The following COL12A1 variants were observed in gnomAD, a reference collection of about 807,000 sequenced individuals.
COL12A1 encodes the protein collagen type XII alpha 1 chain.
A neutral mutation model predicts 349.7 loss-of-function variants in COL12A1; 114 were observed. The observed-to-expected ratio is 0.33, with a 90% confidence interval of 0.28 to 0.38. The LOEUF (loss-of-function observed/expected upper bound fraction) is 0.38. COL12A1 is among the 10% of genes least tolerant of loss of function. The pLI is 1.00. For synonymous variants in COL12A1, 1,369 were observed against 1,329.0 expected (o/e 1.03, Z -0.66); for missense variants, 3,284 against 3,756.9 (o/e 0.87, Z 3.29).
At chr6:75,180,888 T>C in intron 11 of COL12A1, 51 bp downstream of exon 11, 1 of 1,570,344 alleles carries the variant, frequency 6.4e-7, no homozygotes. Context: ...AACTTTGTAG[T>C]GCAATAAATT....
Position 75,133,416 on chromosome 6 carries a change from T to C in COL12A1, c.5671A>G (p.Ile1891Val). 6.2e-7 allele frequency: 1 copy of C among 1,605,166 alleles called. No individual in the cohort carries two copies. Among genetic ancestry groups the C allele is most frequent in the South Asian group, 1.1e-5 (1 of 88,436 alleles). The change falls in exon 34 of 66, where the codon ATC becomes GTC. Residue 1891 changes from isoleucine to valine, a missense_variant. This residue lies in a region of COL12A1 where 2,601 missense variants were observed against 2,824.8 expected (regional missense o/e 0.92). Coordinates refer to ENST00000322507, the MANE Select transcript of COL12A1 (RefSeq NM_004370.6). The part of the protein sequence containing the change: ...AAGGPEELVP[I>V]PGNTNYAILR... The stretch of plus-strand genomic sequence containing the variant: ...ATGGCATAATTGGTATTCCCGGGGA[T>C]TGGTACCTAAAGATTTTAATAAAAC...
At chr6:75,175,424 A>G in intron 12 of COL12A1, 114 bp from the exon 13 acceptor site, 1 of 1,229,150 alleles carries the variant, frequency 8.1e-7, no homozygotes, top group African/African-American at 1.5e-5. Flanking sequence ...ATCCTGGGTG[A>G]GACTATGACA....
At chr6:75,113,067 C>G in intron 51 of COL12A1, 137 bp downstream of exon 51, 1 of 461,922 alleles carries the variant, frequency 2.2e-6, no homozygotes, top group East Asian at 3.7e-5. Context: ...TTGAATTAAC[C>G]AAATTCTCTA....
chr6:75,134,496 G>A (rs749443582), intron 32 of COL12A1, among the ~76,000 whole-genome samples: 17 of 151,984 alleles, frequency 1.1e-4, no homozygotes, highest in East Asian at 3.9e-4. Context: ...GCTTGAACCC[G>A]GGAGGCAGAG....
At position 75,130,238 on chromosome 6, in the gene COL12A1, A is replaced by C; in HGVS notation, c.6068-5T>G. 1 of 1,612,284 alleles carries C rather than the reference A, an allele frequency of 6.2e-7. No homozygotes were observed. Among genetic ancestry groups the C allele is most frequent in the Non-Finnish European group, 8.5e-7 (1 of 1,179,410 alleles). ...TCCTTGGTCCACTGCGTGGTACTAA[A>C]TAAATAAAATACAATAGAGTTTGTT... On this transcript the variant is annotated splice_region_variant and splice_polypyrimidine_tract_variant and intron_variant, in intron 36 of 65. Transcript: ENST00000322507.
intron 20 of COL12A1, 30 bp downstream of exon 20, chr6:75,151,837 A>AG (rs1009872241): frequency 2.5e-6 from 4 of 1,604,266 alleles, no homozygotes; most frequent in Non-Finnish European, 3.4e-6. Context: ...TTGTAACCCC[A>AG]GGGGCATCAC....
chr6:75,201,099 T>C (rs1770504111), intron 2 of COL12A1, among the ~76,000 whole-genome samples: 2 of 152,226 alleles, frequency 1.3e-5, no homozygotes. Flanking sequence ...TTTTTTCCAC[T>C]TACATCATTT....
At chr6:75,173,383 T>TA (rs1768742978) in intron 13 of COL12A1, among the ~76,000 whole-genome samples, 1 of 149,188 alleles carries the variant, frequency 6.7e-6, no homozygotes, top group African/African-American at 2.4e-5. Context: ...TTATTATTAT[T>TA]TTTTTTTTTT....
intron 13 of COL12A1, among the ~76,000 whole-genome samples, chr6:75,171,599 A>G (rs1208339680): frequency 6.6e-6 from 1 of 152,228 alleles, no homozygotes; most frequent in Non-Finnish European, 1.5e-5. Flanking sequence ...CTCTGGATAA[A>G]GGAAACATTC....
chr6:75,128,415 G>C lies in COL12A1; in HGVS notation c.6221C>G (p.Pro2074Arg), dbSNP rs1441316775. 1.9e-6 allele frequency: 3 copies of C among 1,596,512 alleles called. No homozygotes were observed. The highest frequency in any genetic ancestry group is 2.6e-6 in the Non-Finnish European group (3 of 1,172,648). Residue 2074 changes from proline to arginine, a missense_variant, in exon 38 of 66, where the codon CCA (proline) becomes CGA (arginine). Transcript: ENST00000322507. ...GDPIDEYTTV[P>R]GRRNNVILQP... is the part of the protein sequence containing the mutation. The stretch of plus-strand genomic sequence containing the variant: ...CAGTATTACATTGTTTCTTCTGCCT[G>C]GGACTGTGGTCTATAGAGGAAGTTA...
At chr6:75,141,762 A>C (rs994280688) in intron 27 of COL12A1, among the ~76,000 whole-genome samples, 1 of 152,236 alleles carries the variant, frequency 6.6e-6, no homozygotes. Context: ...ACATACATGC[A>C]CACACATACA....
intron 14 of COL12A1, among the ~76,000 whole-genome samples, chr6:75,161,085 A>C (rs982098439): frequency 1.3e-5 from 2 of 151,984 alleles, no homozygotes; most frequent in African/African-American, 2.4e-5. Flanking sequence ...ACACACACAC[A>C]CCCACACTCA....
intron 39 of COL12A1, 73 bp downstream of exon 39, chr6:75,126,278 A>G: frequency 3.3e-6 from 5 of 1,512,092 alleles, no homozygotes; most frequent in Non-Finnish European, 4.5e-6. Flanking sequence ...ACAGTGGGGG[A>G]TGAAAGAGAA....
At chr6:75,166,691 C>T (rs756728094) in intron 13 of COL12A1, among the ~76,000 whole-genome samples, 6 of 152,058 alleles carry the variant, frequency 3.9e-5, no homozygotes, top group African/African-American at 9.7e-5. Context: ...ATACATTTTA[C>T]CAGTAATTGT....
intron 14 of COL12A1, among the ~76,000 whole-genome samples, chr6:75,160,320 T>C (rs1457887620): frequency 6.6e-6 from 1 of 152,158 alleles, no homozygotes; most frequent in African/African-American, 2.4e-5. Context: ...TATCAATGTA[T>C]TCGTTTCATT....
rs1446575815 is a variant in COL12A1, at chr6:75,094,773, T to C, written c.8649+335A>G. Among the ~76,000 whole-genome samples the C allele has an allele frequency of 2.0e-5, 3 of 152,298 alleles. No homozygotes were observed. In the South Asian group the frequency reaches 6.2e-4, roughly 32 times the overall value. On this transcript the variant is annotated intron_variant, in intron 60 of 65. Coordinates refer to ENST00000322507, the MANE Select transcript of COL12A1 (RefSeq NM_004370.6). ...TGCACCATCGTCATGTATTTTTCCA[T>C]CTTAAGCAGCATACCACTCCTAAGT...
chr6:75,191,750 A>G lies in COL12A1; in HGVS notation c.345T>C (p.Gly115=), dbSNP rs778921281. The G allele has an allele frequency of 2.5e-6, 4 of 1,594,016 alleles. No homozygotes were observed. The Admixed American group carries it at 6.9e-5, about 28-fold the overall frequency. The part of the protein sequence containing the change: ...PVIGQLTIQT[G]SSTKPVEKKP... ...TCTTCTCCACTGGCTTTGTCGAACTACCTGTTTGAACTAAGTTAAAACTTT... is the reference window on the plus strand; with the variant it reads ...TCTTCTCCACTGGCTTTGTCGAACTGCCTGTTTGAACTAAGTTAAAACTTT... The change falls in exon 5 of 66, where the codon GGT becomes GGC. Residue 115 remains glycine, a synonymous_variant. Transcript: ENST00000322507.
At chr6:75,122,906 C>T (rs1271543297) in intron 43 of COL12A1, among the ~76,000 whole-genome samples, 2 of 152,182 alleles carry the variant, frequency 1.3e-5, no homozygotes, top group African/African-American at 4.8e-5. Flanking sequence ...AATTTTTTAG[C>T]ATTGTATAAT....
intron 27 of COL12A1, among the ~76,000 whole-genome samples, chr6:75,140,187 G>T (rs888373488): frequency 1.3e-5 from 2 of 152,090 alleles, no homozygotes; most frequent in African/African-American, 2.4e-5. Context: ...CACCTGTTAC[G>T]TTATTTTTAT....
Sources: allele counts gnomAD v4.1 joint callset (sites outside exome capture counted in the v4.1 genomes callset), GRCh38; gene constraint gnomAD v4.1.1; regional missense constraint gnomAD v4.1.1; transcripts MANE v1.5; gene names NCBI Gene and HGNC (gene_info 2026-07-23, HGNC 2026-07-21).